Variants in PKMYT1 observed in about 807,000 individuals in gnomAD.
PKMYT1 encodes membrane-associated tyrosine- and threonine-specific cdc2-inhibitory kinase.
In PKMYT1, 35 loss-of-function variants were observed where a neutral mutation model predicts 49.7. The ratio of observed to expected loss-of-function variants is 0.70; its 90% CI spans 0.54 to 0.93. The LOEUF (loss-of-function observed/expected upper bound fraction) is 0.93, where lower values mean the gene tolerates loss of function less well. Among genes scored for constraint, PKMYT1 ranks in the 40% least tolerant of loss-of-function variants. PKMYT1 has a pLI of 0.00. For synonymous variants in PKMYT1, 331 were observed against 287.6 expected, an observed-to-expected ratio of 1.15 and a Z score of -1.53; for missense variants, 677 against 673.1, an observed-to-expected ratio of 1.01 and a Z score of -0.06.
chr16:2,973,166 A>T lies in PKMYT1; in HGVS notation c.1360T>A (p.Ser454Thr). The T allele has an allele frequency of 6.5e-7, 1 of 1,537,880 alleles. No homozygotes were observed. Among genetic ancestry groups the T allele is most frequent in the Non-Finnish European group, 8.8e-7 (1 of 1,136,472 alleles). Residue 454 changes from serine (S) to threonine (T), a missense_variant, in exon 8 of 9, where the codon TCC (serine) becomes ACC (threonine). By Grantham distance (58) the Ser-to-Thr change is moderately conservative (BLOSUM62 1). Transcript: ENST00000262300. ...AVLARTVGST[S>T]TPRSRCTPRD... ...GGTGTGCACCTGCTCCGGGGGGTGG[A>T]GGTGCTCCCCACAGTCCGGGCCAGG...
rs373987173 is a variant in PKMYT1, at chr16:2,975,310, G to C, written c.872+9C>G. ...GCCTGCCAAACACCTGGCGTGCCCC[G>C]GTCCCCACCTGAACACATCCGCTGC... is the stretch of plus-strand genomic sequence containing the variant. On this transcript the variant is annotated intron_variant, in intron 4 of 8. Coordinates refer to ENST00000262300, the MANE Select transcript of PKMYT1 (RefSeq NM_004203.5). 1 of 1,600,024 alleles carries C rather than the reference G, an allele frequency of 6.2e-7. No homozygotes were observed. Among genetic ancestry groups the C allele is most frequent in the South Asian group, 1.1e-5 (1 of 90,400 alleles).
In PKMYT1 at chr16:2,975,788, G is replaced by A. The variant is rs761183557; in HGVS notation, c.403C>T (p.Leu135Phe). ...GACATGGAACGCTTTACCGCATAGA[G>A]CCGGCCGTCCTCCTTGGAGCGCACC... ...FKVRSKEDGR[L>F]YAVKRSMSPF... The change falls in exon 4 of 9, where the codon CTC becomes TTC. Residue 135 changes from leucine to phenylalanine, a missense_variant. Transcript: ENST00000262300. The A allele has an allele frequency of 6.3e-7, 1 of 1,596,994 alleles. No individual in the cohort carries two copies. The highest frequency in any genetic ancestry group is 8.5e-7 in the Non-Finnish European group (1 of 1,178,160).
At position 2,975,286 on chromosome 16, in the gene PKMYT1, C is replaced by G. The variant is rs758270678; in HGVS notation, c.872+33G>C. The G allele has an allele frequency of 4.5e-6, 7 of 1,565,388 alleles. No homozygotes were observed. In the Admixed American group the frequency reaches 1.2e-4, roughly 28 times the overall value. Reference sequence around the variant, plus strand: ...CCGTCCCAGGAAGGGCCTCCCACAGCCTGCCAAACACCTGGCGTGCCCCGG... The same window carrying G: ...CCGTCCCAGGAAGGGCCTCCCACAGGCTGCCAAACACCTGGCGTGCCCCGG... On this transcript the variant is annotated intron_variant, in intron 4 of 8. Coordinates refer to ENST00000262300, the MANE Select transcript of PKMYT1 (RefSeq NM_004203.5).
rs371265026 is a variant in PKMYT1 at position 2,974,192 on chromosome 16, G to A, written c.1153-35C>T. ...AGAGGAGCTCAGGATGTGGGTGGGC[G>A]GACCCCCGGGGCTGGGGAGCAGGGC... On this transcript the variant is annotated intron_variant, in intron 6 of 8. Transcript: ENST00000262300. 117 of 1,565,650 alleles carry A rather than the reference G, an allele frequency of 7.5e-5. No individual in the cohort carries two copies. In the Middle Eastern group the frequency reaches 1.0e-3, roughly 14 times the overall value.
At position 2,974,531 on chromosome 16, in the gene PKMYT1, C is replaced by T. The variant is rs1055249284; in HGVS notation, c.979+19G>A. 8 of 1,544,534 alleles carry T rather than the reference C, an allele frequency of 5.2e-6. No homozygotes were observed. Among genetic ancestry groups the T allele is most frequent in the Non-Finnish European group, 7.0e-6 (8 of 1,140,858 alleles). ...CCAGGAGCCCGTGGCAGCACCCCCTCCCGCCCTCACCTACTCACCGGCAGT... is the reference window on the plus strand; with the variant it reads ...CCAGGAGCCCGTGGCAGCACCCCCTTCCGCCCTCACCTACTCACCGGCAGT... On this transcript the variant is annotated intron_variant, in intron 5 of 8. Transcript: ENST00000262300.
At position 2,979,690 on chromosome 16, in the gene PKMYT1, AC is replaced by A; in HGVS notation, c.-34del. On this transcript the variant is annotated 5_prime_UTR_variant, in exon 2 of 9. Coordinates refer to ENST00000262300, the MANE Select transcript of PKMYT1 (RefSeq NM_004203.5). ...CTGGCCCAACAGCCTCAGTGGTGGGACGGGGGAGGCAGGAGCAGGGGCTCCC... is the reference window on the plus strand; with the variant it reads ...CTGGCCCAACAGCCTCAGTGGTGGGAGGGGGAGGCAGGAGCAGGGGCTCCC... 2 of 1,613,714 alleles carry A rather than the reference AC, an allele frequency of 1.2e-6. No individual in the cohort carries two copies. Among genetic ancestry groups the A allele is most frequent in the Non-Finnish European group, 8.5e-7 (1 of 1,179,832 alleles).
In PKMYT1 at chr16:2,976,841, G is replaced by A. The variant is rs1263875918; in HGVS notation, c.201C>T (p.Phe67=). 6.4e-7 allele frequency: 1 copy of A among 1,552,144 alleles called. No individual in the cohort carries two copies. The highest frequency in any genetic ancestry group is 8.7e-7 in the Non-Finnish European group (1 of 1,148,012). The change falls in exon 3 of 9, where the codon TTC becomes TTT. Residue 67 remains phenylalanine (F), a synonymous_variant. Coordinates refer to ENST00000262300, the MANE Select transcript of PKMYT1 (RefSeq NM_004203.5). Reference sequence around the variant, plus strand: ...GGTGCCAGCCTGGGGTCCGAGGAGGGAAGAGGCGGCTGATGGGAATGCTGC... The same window carrying A: ...GGTGCCAGCCTGGGGTCCGAGGAGGAAAGAGGCGGCTGATGGGAATGCTGC... ...AKGSIPISRL[F]PPRTPGWHQL...
chr16:2,973,841 C>T, intron 7 of PKMYT1, 159 bp downstream of exon 7: 1 of 813,144 alleles, frequency 1.2e-6, no homozygotes, highest in South Asian at 1.8e-5. Context: ...CTGCATTAAG[C>T]CTGGCCAGGC....
Position 2,975,381 on chromosome 16 carries a change from G to A in PKMYT1, c.810C>T (p.Asp270=), listed in dbSNP as rs779607480. The A allele has an allele frequency of 6.2e-7, 1 of 1,612,962 alleles. No individual in the cohort carries two copies. Among genetic ancestry groups the A allele is most frequent in the Non-Finnish European group, 8.5e-7 (1 of 1,179,964 alleles). Residue 270 remains aspartate, a synonymous_variant, in exon 4 of 9, where the codon GAC becomes GAT. Transcript: ENST00000262300. ...TAGAGEVQEG[D]PRYMAPELLQ... ...GCAGCTCGGGGGCCATGTAGCGGGG[G>A]TCTCCCTCCTGGACCTCACCAGCTC...
chr16:2,977,803 TC>T (rs2072239513), intron 2 of PKMYT1, among the ~76,000 whole-genome samples: 4 of 152,146 alleles, frequency 2.6e-5, no homozygotes, highest in Admixed American at 2.6e-4. Context: ...CAGCTCCCCG[TC>T]AAGGGTTAGG....
intron 4 of PKMYT1, 154 bp from the exon 5 acceptor site, chr16:2,974,810 C>G (rs2072139378): frequency 3.3e-6 from 2 of 608,854 alleles, no homozygotes; most frequent in Admixed American, 5.6e-5. Flanking sequence ...CCCAACAGGC[C>G]TGATCATGAA....
At chr16:2,976,064 G>A (rs1352234486) in intron 3 of PKMYT1, 26 of 477,222 alleles carry the variant, frequency 5.4e-5, no homozygotes, top group Non-Finnish European at 9.6e-5. Flanking sequence ...GGACCTCTTG[G>A]ATGTGTCACG....
chr16:2,975,786 G>C lies in PKMYT1; in HGVS notation c.405C>G (p.Leu135=), dbSNP rs371682950. 3.8e-6 allele frequency: 6 copies of C among 1,597,066 alleles called. No homozygotes were observed. In the African/African-American group the frequency reaches 6.7e-5, roughly 18 times the overall value. The change falls in exon 4 of 9, where the codon CTC becomes CTG. Residue 135 remains leucine (L), a synonymous_variant. Transcript: ENST00000262300. ...FKVRSKEDGR[L]YAVKRSMSPF... ...GTGACATGGAACGCTTTACCGCATA[G>C]AGCCGGCCGTCCTCCTTGGAGCGCA...
intron 3 of PKMYT1, chr16:2,976,198 C>T (rs2072188987): frequency 4.1e-6 from 1 of 241,828 alleles, no homozygotes; most frequent in African/African-American, 2.2e-5. Context: ...AAATTGTCTT[C>T]ATACAGGACT....
intron 7 of PKMYT1, 109 bp from the exon 8 acceptor site, chr16:2,973,324 G>C: frequency 6.5e-7 from 1 of 1,529,648 alleles, no homozygotes; most frequent in Non-Finnish European, 8.8e-7. Context: ...AAACAGGCAG[G>C]GAGCCACAGT....
At chr16:2,975,887 G>A in intron 3 of PKMYT1, 75 bp from the exon 4 acceptor site, 1 of 1,495,312 alleles carries the variant, frequency 6.7e-7, no homozygotes, top group Non-Finnish European at 9.0e-7. Flanking sequence ...GGGACAACCT[G>A]GCAGACCCCA....
Position 2,975,462 on chromosome 16 carries a change from G to T in PKMYT1, c.729C>A (p.Pro243=). Reference sequence around the variant, plus strand: ...AGTCACCCAGCTTGCAGCGGCCCCGGGGCCCCAGGAAGATGTTGGCAGGCT... The same window carrying T: ...AGTCACCCAGCTTGCAGCGGCCCCGTGGCCCCAGGAAGATGTTGGCAGGCT... ...DVKPANIFLG[P]RGRCKLGDFG... The change falls in exon 4 of 9, where the codon CCC becomes CCA. Residue 243 remains proline (P), a synonymous_variant. Coordinates refer to ENST00000262300, the MANE Select transcript of PKMYT1 (RefSeq NM_004203.5). 1 of 1,613,152 alleles carries T rather than the reference G, an allele frequency of 6.2e-7. No individual in the cohort carries two copies. Among genetic ancestry groups the T allele is most frequent in the South Asian group, 1.1e-5 (1 of 91,090 alleles).
chr16:2,973,307 G>A (rs896804714), intron 7 of PKMYT1, 92 bp from the exon 8 acceptor site: 24 of 1,508,584 alleles, frequency 1.6e-5, no homozygotes, highest in African/African-American at 1.5e-4. Context: ...CCAGGCTCCC[G>A]CCTGACAAAC....
Position 2,972,978 on chromosome 16 carries a change from A to C in PKMYT1, c.1475T>G (p.Phe492Cys). Residue 492 changes from phenylalanine to cysteine, a missense_variant, in exon 9 of 9, where the codon TTT (phenylalanine) becomes TGT (cysteine). Coordinates refer to ENST00000262300, the MANE Select transcript of PKMYT1 (RefSeq NM_004203.5). ...TCAGGTTGGGTCTAGGGTGTCCTCA[A>C]ACAGGCTGAGGAGGTTCCGAGGCTC... Reference protein sequence around the residue: ...SFEPRNLLSLFEDTLDPT With the variant: ...SFEPRNLLSLCEDTLDPT The C allele has an allele frequency of 6.2e-7, 1 of 1,609,718 alleles. No individual in the cohort carries two copies. The highest frequency in any genetic ancestry group is 2.2e-5 in the East Asian group (1 of 44,796).
Sources: allele counts gnomAD v4.1 joint callset (sites outside exome capture counted in the v4.1 genomes callset), GRCh38; gene constraint gnomAD v4.1.1; transcripts MANE v1.5; gene names NCBI Gene and HGNC (gene_info 2026-07-23, HGNC 2026-07-21).